CELA2A: variants seen among roughly 807,000 people sequenced by gnomAD.
CELA2A encodes chymotrypsin-like elastase family member 2A.
Under a neutral mutation model 35.3 loss-of-function variants are expected in CELA2A, and 31 were observed. The ratio of observed to expected loss-of-function variants is 0.88; its 90% CI spans 0.66 to 1.19. CELA2A has a LOEUF of 1.19. CELA2A is among the 50% of genes most tolerant of loss of function. The pLI is 0.00. For missense variants in CELA2A, 330 were observed against 352.9 expected, an observed-to-expected ratio of 0.94 and a Z score of 0.52; for synonymous variants, 150 against 149.8, an observed-to-expected ratio of 1.00 and a Z score of -0.01.
At chr1:15,457,280 A>C in intron 2 of CELA2A, 106 bp downstream of exon 2, 1 of 1,105,602 alleles carries the variant, frequency 9.0e-7, no homozygotes, top group Non-Finnish European at 1.4e-6. Flanking sequence ...GTGAGTATTG[A>C]TGGGACTCAG....
chr1:15,461,941 G>T lies in CELA2A; in HGVS notation c.227+283G>T, dbSNP rs1010841141. 3 of 620,168 alleles carry T rather than the reference G, an allele frequency of 4.8e-6. No homozygotes were observed. In the African/African-American group the frequency reaches 5.4e-5, roughly 11 times the overall value. The allele number at this position is 620,168 out of a possible 1,614,324, so 38.4% of individuals were successfully genotyped here. On this transcript the variant is annotated intron_variant, in intron 3 of 7. Coordinates refer to ENST00000359621, the MANE Select transcript of CELA2A (RefSeq NM_033440.3). ...TTGGGGAAACTACATGTGGCCTCTG[G>T]ATCTGGAATTGGGTTCCCTTGAACA...
At chr1:15,460,396 C>G (rs567039097) in intron 2 of CELA2A, among the ~76,000 whole-genome samples, 5 of 152,120 alleles carry the variant, frequency 3.3e-5, no homozygotes, top group African/African-American at 1.2e-4. Context: ...GTCACACAAA[C>G]GAGAAATGCC....
Position 15,466,119 on chromosome 1 carries a change from G to A in CELA2A, c.614G>A (p.Gly205Asp). ...AAAACCAGTATGATCTGTGCTGGGGGTGATGGCGTGATCTCCAGCTGCAAC... is the reference window on the plus strand; with the variant it reads ...AAAACCAGTATGATCTGTGCTGGGGATGATGGCGTGATCTCCAGCTGCAAC... ...SVKTSMICAGGDGVISSCNGD... is the reference protein window; with the variant it reads ...SVKTSMICAGDDGVISSCNGD... The change falls in exon 6 of 8, where the codon GGT becomes GAT. Residue 205 changes from glycine (G) to aspartate (D), a missense_variant. Coordinates refer to ENST00000359621, the MANE Select transcript of CELA2A (RefSeq NM_033440.3). 2 of 1,614,072 alleles carry A rather than the reference G, an allele frequency of 1.2e-6. No individual in the cohort carries two copies. Among genetic ancestry groups the A allele is most frequent in the Middle Eastern group, 1.7e-4 (1 of 6,060 alleles).
intron 2 of CELA2A, among the ~76,000 whole-genome samples, chr1:15,460,564 CA>C (rs1708420041): frequency 6.6e-6 from 1 of 151,764 alleles, no homozygotes; most frequent in Admixed American, 6.6e-5. Context: ...AATTGAAAGA[CA>C]GGGGAGGAGG....
intron 7 of CELA2A, 131 bp downstream of exon 7, chr1:15,467,669 G>T: frequency 8.6e-7 from 1 of 1,160,184 alleles, no homozygotes. Flanking sequence ...CTTGGAGGAG[G>T]CTGCAGACCT....
At chr1:15,457,916 T>C (rs1708383238) in intron 2 of CELA2A, among the ~76,000 whole-genome samples, 1 of 152,180 alleles carries the variant, frequency 6.6e-6, no homozygotes, top group African/African-American at 2.4e-5. Context: ...TAAGTTGATA[T>C]AATCATAGTG....
chr1:15,463,134 A>C, intron 4 of CELA2A: 1 of 716,106 alleles, frequency 1.4e-6, no homozygotes, highest in East Asian at 2.7e-5. Context: ...TATCTACTTC[A>C]TGCCAGGTCC....
At chr1:15,464,724 T>C (rs561655913) in intron 5 of CELA2A, among the ~76,000 whole-genome samples, 5 of 152,146 alleles carry the variant, frequency 3.3e-5, no homozygotes, top group Non-Finnish European at 7.3e-5. Context: ...CACAACCTCC[T>C]GTTTGTTTCC....
At chr1:15,458,263 G>A (rs1470211444) in intron 2 of CELA2A, among the ~76,000 whole-genome samples, 1 of 152,040 alleles carries the variant, frequency 6.6e-6, no homozygotes, top group Non-Finnish European at 1.5e-5. Flanking sequence ...AAAGCAATCT[G>A]AGTTATGAGC....
Position 15,462,344 on chromosome 1 carries a change from G to A in CELA2A, c.228-389G>A, listed in dbSNP as rs116840520. The A allele has an allele frequency of 4.3e-3, 1,710 of 396,404 alleles. 36 individuals carry two copies. The highest frequency in any genetic ancestry group is 0.032 in the African/African-American group (1,538 of 47,634). The allele number at this position is 396,404 out of a possible 1,614,324, so 24.6% of individuals were successfully genotyped here. A position where few individuals can be genotyped will look rare whatever the true frequency, so the allele number is the denominator to read the frequency against. On this transcript the variant is annotated intron_variant, in intron 3 of 7. Coordinates refer to ENST00000359621, the MANE Select transcript of CELA2A (RefSeq NM_033440.3). ...CTTGTAGTTCTGGTTTCTCACTAAC[G>A]GTGGGACTCTGGGCCAGGTTACGCC...
At chr1:15,465,902 T>C in intron 5 of CELA2A, 97 bp from the exon 6 acceptor site, 1 of 1,427,340 alleles carries the variant, frequency 7.0e-7, no homozygotes, top group Non-Finnish European at 9.7e-7. Context: ...TTGCAATGGA[T>C]GGAAGACAGG....
chr1:15,462,815 A>T lies in CELA2A; in HGVS notation c.310A>T (p.Lys104Ter). The T allele has an allele frequency of 1.2e-6, 2 of 1,613,976 alleles. No homozygotes were observed. The highest frequency in any genetic ancestry group is 2.2e-5 in the South Asian group (2 of 91,068). ...ESGSLAVSVS[K>*]IVVHKDWNSN... ...CGGCTCGCTGGCAGTCAGTGTCTCTAAGATTGTGGTGCACAAGGACTGGAA... is the reference window on the plus strand; with the variant it reads ...CGGCTCGCTGGCAGTCAGTGTCTCTTAGATTGTGGTGCACAAGGACTGGAA... The change falls in exon 4 of 8, where the codon AAG (lysine) becomes TAG (stop). Residue 104 changes from lysine to a stop codon, truncating the protein, a stop_gained. Coordinates refer to ENST00000359621, the MANE Select transcript of CELA2A (RefSeq NM_033440.3). LOFTEE classifies it high-confidence loss of function.
intron 6 of CELA2A, among the ~76,000 whole-genome samples, chr1:15,466,798 C>T (rs952661994): frequency 6.6e-5 from 10 of 152,300 alleles, no homozygotes; most frequent in Admixed American, 4.6e-4. Flanking sequence ...GAATTAGTCT[C>T]ATCAATGGCG....
At position 15,466,159 on chromosome 1, in the gene CELA2A, C is replaced by T. The variant is rs1019802859; in HGVS notation, c.639+15C>T. 8 of 1,612,994 alleles carry T rather than the reference C, an allele frequency of 5.0e-6. No individual in the cohort carries two copies. In the African/African-American group the frequency reaches 1.1e-4, roughly 22 times the overall value. On this transcript the variant is annotated intron_variant, in intron 6 of 7. Coordinates refer to ENST00000359621, the MANE Select transcript of CELA2A (RefSeq NM_033440.3). ...CCAGCTGCAACGTGAGTACCAAAAT[C>T]AGGGGCTCCGCTCCATGACAAAATG...
intron 2 of CELA2A, among the ~76,000 whole-genome samples, chr1:15,458,120 T>C (rs1708385408): frequency 1.3e-5 from 2 of 152,178 alleles, no homozygotes; most frequent in East Asian, 3.8e-4. Context: ...CATATATATA[T>C]AGTAAAGATT....
At chr1:15,468,395 C>T (rs1471795904) in intron 7 of CELA2A, among the ~76,000 whole-genome samples, 1 of 152,118 alleles carries the variant, frequency 6.6e-6, no homozygotes, top group Non-Finnish European at 1.5e-5. Flanking sequence ...GAGTTGGTCC[C>T]CCTGTCTTGT....
At chr1:15,471,867 T>C (rs1488197416) in intron 7 of CELA2A, 123 bp from the exon 8 acceptor site, 6 of 1,131,678 alleles carry the variant, frequency 5.3e-6, no homozygotes, top group Non-Finnish European at 8.1e-6. Context: ...AGGCAGGAGC[T>C]ACTGTAGTGT....
intron 1 of CELA2A, 117 bp from the exon 2 acceptor site, chr1:15,456,969 T>G (rs1015167355): frequency 2.4e-6 from 3 of 1,273,886 alleles, no homozygotes; most frequent in Middle Eastern, 1.8e-4. Flanking sequence ...TTCTATGACC[T>G]CTTGGGATCC....
intron 7 of CELA2A, among the ~76,000 whole-genome samples, 195 bp downstream of exon 7, chr1:15,467,733 G>C (rs181143539): frequency 6.6e-6 from 1 of 152,266 alleles, no homozygotes; most frequent in East Asian, 1.9e-4. Flanking sequence ...GGATAAAGCT[G>C]AGTGAAAAGG....
Sources: allele counts gnomAD v4.1 joint callset (sites outside exome capture counted in the v4.1 genomes callset), GRCh38; gene constraint gnomAD v4.1.1; transcripts MANE v1.5; gene names NCBI Gene and HGNC (gene_info 2026-07-23, HGNC 2026-07-21).